NPAT: variants seen among roughly 807,000 people sequenced by gnomAD.
NPAT encodes the protein protein NPAT.
NPAT carries 52 observed loss-of-function variants against 130.7 expected under a neutral mutation model. The ratio of observed to expected loss-of-function variants is 0.40; its 90% CI spans 0.32 to 0.50. NPAT has a LOEUF of 0.50. NPAT is among the 20% of genes least tolerant of loss of function. NPAT has a pLI of 0.68. For synonymous variants in NPAT, 580 were observed against 584.8 expected, an observed-to-expected ratio of 0.99 and a Z score of 0.12; for missense variants, 1,687 against 1,662.6, an observed-to-expected ratio of 1.01 and a Z score of -0.26.
At chr11:108,215,645 A>T (rs2078429575) in intron 1 of NPAT, among the ~76,000 whole-genome samples, 1 of 152,222 alleles carries the variant, frequency 6.6e-6, no homozygotes, top group African/African-American at 2.4e-5. Flanking sequence ...GGTTGCCTAC[A>T]AAGTCATTAT....
At chr11:108,180,461 C>A (rs921872568) in intron 10 of NPAT, among the ~76,000 whole-genome samples, 1 of 152,306 alleles carries the variant, frequency 6.6e-6, no homozygotes, top group African/African-American at 2.4e-5. Context: ...TGCTTAACAT[C>A]ACTAATCATT....
In NPAT at chr11:108,216,253, T is replaced by A. The variant is rs181548565; in HGVS notation, c.37+6247A>T. On this transcript the variant is annotated intron_variant, in intron 1 of 17. Coordinates refer to ENST00000278612, the MANE Select transcript of NPAT (RefSeq NM_002519.3). ...CCTTCAGTCACTTGGGGACTTCTGATAGACGGTGGTATTAAAATCTACTAT... is the reference window on the plus strand; with the variant it reads ...CCTTCAGTCACTTGGGGACTTCTGAAAGACGGTGGTATTAAAATCTACTAT... Among the ~76,000 whole-genome samples, 271 of 152,300 alleles carry A rather than the reference T, an allele frequency of 1.8e-3. 2 individuals are homozygous for A. The highest frequency in any genetic ancestry group is 6.3e-3 in the African/African-American group (262 of 41,556).
chr11:108,213,522 A>G (rs898929742), intron 1 of NPAT, among the ~76,000 whole-genome samples: 3 of 152,242 alleles, frequency 2.0e-5, no homozygotes, highest in Admixed American at 6.5e-5. Flanking sequence ...AAATCCACGC[A>G]AAGACATACT....
At position 108,172,854 on chromosome 11, in the gene NPAT, C is replaced by T. The variant is rs768516723; in HGVS notation, c.2130G>A (p.Val710=). Residue 710 remains valine, a synonymous_variant, in exon 13 of 18, where the codon GTG becomes GTA. Coordinates refer to ENST00000278612, the MANE Select transcript of NPAT (RefSeq NM_002519.3). The part of the protein sequence containing the change: ...SLPPESVCSS[V]GDSHPESQNT... ...TTTGGGACTCAGGGTGAGAATCTCC[C>T]ACTGAAGAACACACAGATTCTGGAG... 1.2e-6 allele frequency: 2 copies of T among 1,613,984 alleles called. No individual in the cohort carries two copies. Among genetic ancestry groups the T allele is most frequent in the Admixed American group, 3.3e-5 (2 of 60,012 alleles).
In NPAT at chr11:108,173,232, C is replaced by G; in HGVS notation, c.1752G>C (p.Val584=). The G allele has an allele frequency of 6.2e-7, 1 of 1,613,100 alleles. No individual in the cohort carries two copies. ...EVHKSKIEIN[V]LEPVMSQLSN... Reference sequence around the variant, plus strand: ...ATAGCTGTGACATAACTGGTTCTAACACATTAATTTCTATTTTACTCTTGT... The same window carrying G: ...ATAGCTGTGACATAACTGGTTCTAAGACATTAATTTCTATTTTACTCTTGT... Residue 584 remains valine, a synonymous_variant, in exon 13 of 18, where the codon GTG becomes GTC. Transcript: ENST00000278612.
intron 5 of NPAT, among the ~76,000 whole-genome samples, chr11:108,189,855 G>A (rs574328939): frequency 6.9e-6 from 1 of 144,678 alleles, no homozygotes; most frequent in Non-Finnish European, 1.5e-5. Flanking sequence ...GGGCGACAGA[G>A]CGAGACTCCG....
At chr11:108,179,462 A>G (rs2078038483) in intron 10 of NPAT, among the ~76,000 whole-genome samples, 1 of 152,030 alleles carries the variant, frequency 6.6e-6, no homozygotes, top group Non-Finnish European at 1.5e-5. Flanking sequence ...CTAGTCTCGA[A>G]CCCCTGACCT....
intron 2 of NPAT, among the ~76,000 whole-genome samples, chr11:108,196,633 A>G (rs188985209): frequency 5.3e-4 from 80 of 152,268 alleles, no homozygotes; most frequent in Admixed American, 1.9e-3. Flanking sequence ...TTTCACACAT[A>G]TTTTGTTAGA....
intron 13 of NPAT, among the ~76,000 whole-genome samples, chr11:108,170,653 AAT>A (rs2077941966): frequency 6.6e-6 from 1 of 152,226 alleles, no homozygotes; most frequent in Non-Finnish European, 1.5e-5. Flanking sequence ...ACTTTTGCCT[AAT>A]ACACTACTGT....
In NPAT at chr11:108,192,196, T is replaced by G; in HGVS notation, c.218-6A>C. 6.3e-7 allele frequency: 1 copy of G among 1,581,668 alleles called. No homozygotes were observed. Among genetic ancestry groups the G allele is most frequent in the Non-Finnish European group, 8.7e-7 (1 of 1,150,700 alleles). On this transcript the variant is annotated splice_polypyrimidine_tract_variant and splice_region_variant and intron_variant, in intron 3 of 17. Coordinates refer to ENST00000278612, the MANE Select transcript of NPAT (RefSeq NM_002519.3). ...TGGGACATTATTTGATGTTTCTAAA[T>G]CATAGGAGAAAAGGTTCTTAATAAA...
chr11:108,187,173 G>A (rs867598125), intron 7 of NPAT, among the ~76,000 whole-genome samples: 2 of 152,142 alleles, frequency 1.3e-5, no homozygotes, highest in African/African-American at 4.8e-5. Flanking sequence ...TTTTATGGCT[G>A]GGCATGGTGG....
At chr11:108,177,931 G>C (rs1171950552) in intron 10 of NPAT, among the ~76,000 whole-genome samples, 1 of 152,104 alleles carries the variant, frequency 6.6e-6, no homozygotes, top group Non-Finnish European at 1.5e-5. Flanking sequence ...ATGTTGCCCA[G>C]GCTGGTCTTG....
At chr11:108,204,823 A>G (rs2078310486) in intron 1 of NPAT, among the ~76,000 whole-genome samples, 1 of 152,236 alleles carries the variant, frequency 6.6e-6, no homozygotes, top group Admixed American at 6.5e-5. Flanking sequence ...GAGGAATGGA[A>G]ACAAATCCAG....
chr11:108,189,164 A>G lies in NPAT; in HGVS notation c.498T>C (p.Asp166=), dbSNP rs759998236. Residue 166 remains aspartate, a synonymous_variant, in exon 6 of 18, where the codon GAT becomes GAC. Coordinates refer to ENST00000278612, the MANE Select transcript of NPAT (RefSeq NM_002519.3). ...QVTRPSGQIS[D]PSRSYFVVVN... is the part of the protein sequence containing the mutation. ...CCACTACAAAATATGACCTCGATGG[A>G]TCTGAAATTTGGCCACTTGGTCGAG... 138 of 1,614,058 alleles carry G rather than the reference A, an allele frequency of 8.5e-5. 2 individuals carry two copies. The East Asian group carries it at 3.0e-3, about 35-fold the overall frequency.
chr11:108,161,168 G>A lies in NPAT; in HGVS notation c.3918C>T (p.Val1306=), dbSNP rs774397839. The part of the protein sequence containing the change: ...SEDSSTSKVM[V]PPVTPDLPAC... ...CAGGCAAGTCTGGGGTGACAGGAGGGACCATTACTTTTGATGTACTACTGT... is the reference window on the plus strand; with the variant it reads ...CAGGCAAGTCTGGGGTGACAGGAGGAACCATTACTTTTGATGTACTACTGT... The change falls in exon 17 of 18, where the codon GTC becomes GTT. Residue 1306 remains valine, a synonymous_variant. Coordinates refer to ENST00000278612, the MANE Select transcript of NPAT (RefSeq NM_002519.3). The A allele has an allele frequency of 1.2e-6, 2 of 1,614,136 alleles. No individual in the cohort carries two copies. The highest frequency in any genetic ancestry group is 1.7e-6 in the Non-Finnish European group (2 of 1,180,028).
chr11:108,173,479 G>C lies in NPAT; in HGVS notation c.1505C>G (p.Pro502Arg). The C allele has an allele frequency of 1.2e-6, 2 of 1,614,144 alleles. No homozygotes were observed. Among genetic ancestry groups the C allele is most frequent in the Non-Finnish European group, 1.7e-6 (2 of 1,180,012 alleles). ...AGTTATTGGTATATCAGGCTGATCA[G>C]GCTGTAACTGAGATTCACTCGGTAC... is the stretch of plus-strand genomic sequence containing the variant. ...SNVPSESQLQ[P>R]DQPDIPITSF... The change falls in exon 13 of 18, where the codon CCT becomes CGT. Residue 502 changes from proline (P) to arginine (R), a missense_variant. Around this residue, in one of 3 missense-constraint regions of NPAT, gnomAD observed 1,379 missense variants for 1,346.6 expected, o/e 1.02. Transcript: ENST00000278612.
Position 108,162,795 on chromosome 11 carries a change from G to A in NPAT, c.3011-615C>T, listed in dbSNP as rs11212535. Among the ~76,000 whole-genome samples, 6 of 152,242 alleles carry A rather than the reference G, an allele frequency of 3.9e-5. No individual in the cohort carries two copies. In the East Asian group the frequency reaches 1.2e-3, roughly 29 times the overall value. ...TACAATGCTCAATATAGCACATAAT[G>A]TACTACTTACATCCAGGTAGTCACT... On this transcript the variant is annotated intron_variant, in intron 15 of 17. Transcript: ENST00000278612.
intron 1 of NPAT, among the ~76,000 whole-genome samples, chr11:108,211,491 C>A (rs2078383239): frequency 6.7e-6 from 1 of 149,902 alleles, no homozygotes; most frequent in African/African-American, 2.5e-5. Flanking sequence ...TGCAGTGAGC[C>A]ATGATTGGGC....
At position 108,161,740 on chromosome 11, in the gene NPAT, T is replaced by C. The variant is rs370946900; in HGVS notation, c.3346A>G (p.Lys1116Glu). Residue 1116 changes from lysine (K) to glutamate (E), a missense_variant, in exon 17 of 18, where the codon AAA becomes GAA. Around this residue, in one of 3 missense-constraint regions of NPAT, gnomAD observed 1,379 missense variants for 1,346.6 expected, o/e 1.02. Transcript: ENST00000278612. ...AGAGGAGGCTTCTCTTTCTCTCTTT[T>C]GATAGCATTATTAGAAGGGGGTTTT... ...TLKPPSNNAI[K>E]REKEKPPLPK... 9.3e-6 allele frequency: 15 copies of C among 1,613,738 alleles called. No individual in the cohort carries two copies. The highest frequency in any genetic ancestry group is 2.7e-5 in the African/African-American group (2 of 74,940).
Sources: gnomAD v4.1 joint callset for allele counts (sites outside exome capture counted in the v4.1 genomes callset) on GRCh38, gnomAD v4.1.1 for gene constraint, gnomAD v4.1.1 regional missense constraint, MANE v1.5 for transcripts, NCBI Gene and HGNC (gene_info 2026-07-23, HGNC 2026-07-21) for gene names.